The following TRIP12 variants were observed in gnomAD, a reference collection of about 807,000 sequenced individuals.
TRIP12 encodes the protein thyroid hormone receptor interactor 12, also known as E3 ubiquitin-protein ligase TRIP12.
In TRIP12, 25 loss-of-function variants were observed where a neutral mutation model predicts 244.2. That is an observed-to-expected ratio of 0.10 (90% CI 0.07 to 0.14). The LOEUF is 0.14. Among genes scored for constraint, TRIP12 ranks in the 10% least tolerant of loss-of-function variants. TRIP12 has a pLI of 1.00. For missense variants in TRIP12, 1,677 were observed against 2,486.4 expected (o/e 0.67, Z 6.92); for synonymous variants, 905 against 873.1 (o/e 1.04, Z -0.64).
chr2:229,899,187 T>C (rs981718680), intron 1 of TRIP12, among the ~76,000 whole-genome samples: 1 of 152,134 alleles, frequency 6.6e-6, no homozygotes, highest in African/African-American at 2.4e-5. Flanking sequence ...ACTCCTGAGC[T>C]CAAGCAATCC....
At chr2:229,895,721 G>A (rs958278302) in intron 1 of TRIP12, among the ~76,000 whole-genome samples, 4 of 150,838 alleles carry the variant, frequency 2.7e-5, no homozygotes, top group Non-Finnish European at 5.9e-5. Context: ...GAAGAAATGT[G>A]AGAGACATAT....
At chr2:229,768,540 C>T in intron 41 of TRIP12, 76 bp downstream of exon 41, 1 of 1,322,016 alleles carries the variant, frequency 7.6e-7, no homozygotes, top group Non-Finnish European at 1.1e-6. Flanking sequence ...GAATCTCCTG[C>T]TGATGGTACT....
chr2:229,841,114 A>C (rs2056324258), intron 4 of TRIP12, among the ~76,000 whole-genome samples, 187 bp from the exon 5 acceptor site: 1 of 152,178 alleles, frequency 6.6e-6, no homozygotes. Context: ...TTGGCACTCC[A>C]GTTCAGGATC....
chr2:229,798,828 T>G, intron 23 of TRIP12, 47 bp downstream of exon 23: 1 of 1,595,346 alleles, frequency 6.3e-7, no homozygotes, highest in East Asian at 2.2e-5. Flanking sequence ...ATGTTTAAGT[T>G]TTTCTGATAT....
intron 1 of TRIP12, among the ~76,000 whole-genome samples, chr2:229,899,981 T>C (rs1450540665): frequency 2.0e-5 from 3 of 152,198 alleles, no homozygotes; most frequent in African/African-American, 4.8e-5. Context: ...TTAAAACAAG[T>C]TGTTACATAC....
At chr2:229,833,958 C>T (rs953168652) in intron 6 of TRIP12, among the ~76,000 whole-genome samples, 5 of 152,132 alleles carry the variant, frequency 3.3e-5, no homozygotes, top group Admixed American at 6.5e-5. Context: ...CATGCAGATA[C>T]GAAAATGTAA....
chr2:229,853,875 C>T (rs1004772514), intron 4 of TRIP12, among the ~76,000 whole-genome samples: 6 of 152,190 alleles, frequency 3.9e-5, no homozygotes, highest in East Asian at 1.9e-4. Context: ...ATAACTACAG[C>T]TGAATGATTT....
intron 2 of TRIP12, among the ~76,000 whole-genome samples, chr2:229,877,888 A>C (rs2063924902): frequency 6.6e-6 from 1 of 152,238 alleles, no homozygotes; most frequent in South Asian, 2.1e-4. Flanking sequence ...TGAACATGTA[A>C]CACTTTTATT....
At chr2:229,857,490 G>C (rs1298379079) in intron 4 of TRIP12, among the ~76,000 whole-genome samples, 1 of 152,088 alleles carries the variant, frequency 6.6e-6, no homozygotes, top group Admixed American at 6.6e-5. Context: ...TTAGCTGGGT[G>C]TGATGGCGCA....
intron 2 of TRIP12, among the ~76,000 whole-genome samples, chr2:229,873,673 G>A (rs997147490): frequency 2.0e-5 from 3 of 151,880 alleles, no homozygotes; most frequent in African/African-American, 7.3e-5. Context: ...GTTTTTTTAA[G>A]TGAAAACACA....
chr2:229,833,836 A>T (rs2054080399), intron 6 of TRIP12, among the ~76,000 whole-genome samples: 1 of 152,166 alleles, frequency 6.6e-6, no homozygotes, highest in Non-Finnish European at 1.5e-5. Flanking sequence ...ACAAAACAAA[A>T]AAAAAACAAA....
chr2:229,881,534 T>C (rs2064879992), intron 1 of TRIP12, among the ~76,000 whole-genome samples: 2 of 152,254 alleles, frequency 1.3e-5, no homozygotes, highest in Non-Finnish European at 2.9e-5. Context: ...AAAGTAGTTT[T>C]CTTTTGGGTT....
chr2:229,857,119 T>C (rs566491587), intron 4 of TRIP12, among the ~76,000 whole-genome samples: 1 of 152,226 alleles, frequency 6.6e-6, no homozygotes, highest in Non-Finnish European at 1.5e-5. Flanking sequence ...CAATATGAGC[T>C]ATACTTTGAC....
chr2:229,797,960 T>G, intron 23 of TRIP12, 129 bp from the exon 24 acceptor site: 1 of 916,044 alleles, frequency 1.1e-6, no homozygotes, highest in Non-Finnish European at 1.6e-6. Flanking sequence ...AAACTCCAGA[T>G]TCCATAACCA....
At chr2:229,917,881 G>C (rs561549203) in intron 1 of TRIP12, among the ~76,000 whole-genome samples, 7 of 151,928 alleles carry the variant, frequency 4.6e-5, no homozygotes, top group Admixed American at 2.0e-4. Flanking sequence ...TTTTTGTGGA[G>C]ACAGTCTCAC....
chr2:229,844,008 C>T (rs116129594), intron 4 of TRIP12, among the ~76,000 whole-genome samples: 26 of 151,604 alleles, frequency 1.7e-4, no homozygotes, highest in African/African-American at 5.8e-4. Flanking sequence ...TCTTTCAAAA[C>T]AGCGGCAATT....
chr2:229,874,773 TTTTC>T (rs1159390188), intron 2 of TRIP12, among the ~76,000 whole-genome samples: 7 of 152,198 alleles, frequency 4.6e-5, no homozygotes, highest in African/African-American at 9.6e-5. Context: ...ATTAAAATTG[TTTTC>T]TTTAATTTTC....
At chr2:229,897,502 G>A (rs924145177) in intron 1 of TRIP12, among the ~76,000 whole-genome samples, 1 of 152,150 alleles carries the variant, frequency 6.6e-6, no homozygotes, top group Non-Finnish European at 1.5e-5. Context: ...ACAAAAATTA[G>A]CCAGGTGTGG....
At chr2:229,792,906 T>C in intron 27 of TRIP12, 67 bp downstream of exon 27, 8 of 1,479,786 alleles carry the variant, frequency 5.4e-6, no homozygotes, top group Non-Finnish European at 7.3e-6. Context: ...ATAATGTATG[T>C]AACTCTTAAT....
Sources: allele counts gnomAD v4.1 joint callset (sites outside exome capture counted in the v4.1 genomes callset), GRCh38; gene constraint gnomAD v4.1.1; transcripts MANE v1.5; gene names NCBI Gene and HGNC (gene_info 2026-07-23, HGNC 2026-07-21).